The following LRRC4B variants were observed in gnomAD, a reference collection of about 807,000 sequenced individuals.
The protein encoded by LRRC4B is leucine rich repeat containing 4B.
A neutral mutation model predicts 7.3 loss-of-function variants in LRRC4B; 1 was observed. The ratio of observed to expected loss-of-function variants is 0.14; its 90% CI spans 0.05 to 0.65. LRRC4B has a LOEUF of 0.65. Among genes scored for constraint, LRRC4B ranks in the 30% least tolerant of loss-of-function variants. The pLI is 0.84. For synonymous variants in LRRC4B, 500 were observed against 499.2 expected, an observed-to-expected ratio of 1.00 and a Z score of -0.02; for missense variants, 730 against 1,041.6, an observed-to-expected ratio of 0.70 and a Z score of 4.12.
chr19:50,534,188 A>G (rs1482172214), intron 2 of LRRC4B, among the ~76,000 whole-genome samples: 2 of 152,176 alleles, frequency 1.3e-5, no homozygotes, highest in African/African-American at 4.8e-5. Flanking sequence ...CACTAAACAA[A>G]ACAATTATGC....
chr19:50,557,029 C>T (rs981891058), intron 1 of LRRC4B, among the ~76,000 whole-genome samples: 2 of 152,064 alleles, frequency 1.3e-5, no homozygotes, highest in African/African-American at 4.8e-5. Flanking sequence ...AAGGACCCCT[C>T]TGAGTGGACT....
chr19:50,540,548 G>A (rs1981493610), intron 2 of LRRC4B, among the ~76,000 whole-genome samples: 1 of 151,876 alleles, frequency 6.6e-6, no homozygotes, highest in Non-Finnish European at 1.5e-5. Context: ...GTAGAGACAG[G>A]TTTTGCCGTG....
intron 1 of LRRC4B, among the ~76,000 whole-genome samples, chr19:50,549,277 G>A (rs935756027): frequency 6.6e-6 from 1 of 152,214 alleles, no homozygotes; most frequent in Non-Finnish European, 1.5e-5. Flanking sequence ...AGACAGACAA[G>A]GCGAGGGGGC....
At chr19:50,520,400 TG>T (rs1980525617) in intron 2 of LRRC4B, among the ~76,000 whole-genome samples, 1 of 151,232 alleles carries the variant, frequency 6.6e-6, no homozygotes, top group Non-Finnish European at 1.5e-5. Context: ...GAGGCTGCAG[TG>T]GGTGGATCAC....
chr19:50,527,706 T>TTCCC (rs544155236), intron 2 of LRRC4B, among the ~76,000 whole-genome samples: 2,280 of 149,664 alleles, frequency 0.015, 74 homozygotes, highest in African/African-American at 0.055. Context: ...CTCTGTCTCT[T>TTCCC]TCCCTCCCTC....
rs1005934907 is a variant in LRRC4B at position 50,517,440 on chromosome 19, C to T, written c.*131G>A. The T allele has an allele frequency of 2.5e-5, 21 of 824,612 alleles. No homozygotes were observed. Among genetic ancestry groups the T allele is most frequent in the Non-Finnish European group, 4.9e-6 (3 of 607,832 alleles). The allele number at this position is 824,612 out of a possible 1,614,324, so 51.1% of individuals were successfully genotyped here. On this transcript the variant is annotated 3_prime_UTR_variant, in exon 3 of 3. Coordinates refer to ENST00000652263, the MANE Select transcript of LRRC4B (RefSeq NM_001080457.2). This position sits in a 1 kb window ranked among gnomAD's most constrained non-coding sequence, Gnocchi z 6.6. ...AGCCCCAGATGGGGCTGGAAGCCAC[C>T]TCTCCCCAATTCCCTGCGTGGTCCC...
At chr19:50,547,979 C>G (rs558282969) in intron 2 of LRRC4B, among the ~76,000 whole-genome samples, 21 of 152,032 alleles carry the variant, frequency 1.4e-4, no homozygotes, top group Non-Finnish European at 2.9e-4. Flanking sequence ...CTGCACTGCC[C>G]GGCAAATGAC....
At chr19:50,549,902 G>A (rs193076392) in intron 1 of LRRC4B, among the ~76,000 whole-genome samples, 5 of 152,302 alleles carry the variant, frequency 3.3e-5, no homozygotes, top group African/African-American at 4.8e-5. Context: ...GACTCTGCCT[G>A]GGTTCTGGGA....
chr19:50,565,188 G>A (rs1017468085), intron 1 of LRRC4B, among the ~76,000 whole-genome samples: 3 of 152,178 alleles, frequency 2.0e-5, no homozygotes, highest in Admixed American at 1.3e-4. Flanking sequence ...TGGTGTGTGC[G>A]CCACAGTGCA....
At chr19:50,533,839 G>C (rs1023754034) in intron 2 of LRRC4B, among the ~76,000 whole-genome samples, 8 of 152,290 alleles carry the variant, frequency 5.3e-5, no homozygotes, top group African/African-American at 1.9e-4. Flanking sequence ...AGAAAATGAA[G>C]GTTCAGAGAA....
rs1354640147 is a variant in LRRC4B, at chr19:50,553,102, T to C, written c.-35-4229A>G. ...TAAAGAGTTCTGTCTTCACAACATATGCGGAATCAGACCCCAGAATCAGAG... is the reference window on the plus strand; with the variant it reads ...TAAAGAGTTCTGTCTTCACAACATACGCGGAATCAGACCCCAGAATCAGAG... On this transcript the variant is annotated intron_variant, in intron 1 of 2. Coordinates refer to ENST00000652263, the MANE Select transcript of LRRC4B (RefSeq NM_001080457.2). The surrounding 1 kb of genome is among the most constrained non-coding windows in gnomAD (Gnocchi z 4.2). Among the ~76,000 whole-genome samples, 3 of 152,196 alleles carry C rather than the reference T, an allele frequency of 2.0e-5. No homozygotes were observed. Among genetic ancestry groups the C allele is most frequent in the Non-Finnish European group, 4.4e-5 (3 of 68,034 alleles).
At chr19:50,536,042 C>G (rs775540926) in intron 2 of LRRC4B, among the ~76,000 whole-genome samples, 1 of 152,120 alleles carries the variant, frequency 6.6e-6, no homozygotes, top group Non-Finnish European at 1.5e-5. Context: ...GCCTACACCG[C>G]TTCCTGGGCA....
intron 2 of LRRC4B, among the ~76,000 whole-genome samples, chr19:50,532,003 G>T (rs1030130603): frequency 1.3e-5 from 2 of 152,126 alleles, no homozygotes; most frequent in Non-Finnish European, 2.9e-5. Context: ...CGGGAGGATT[G>T]CTTGAGCTCA....
chr19:50,548,315 C>T lies in LRRC4B; in HGVS notation c.297+227G>A, dbSNP rs1981898676. Among the ~76,000 whole-genome samples, 1 of 152,238 alleles carries T rather than the reference C, an allele frequency of 6.6e-6. No individual in the cohort carries two copies. The highest frequency in any genetic ancestry group is 6.5e-5 in the Admixed American group (1 of 15,280). ...CAGGTGGCCTGCACTTGGGCCCCGACACGGTGGCTCAGAGACAGGGAGCAC... is the reference window on the plus strand; with the variant it reads ...CAGGTGGCCTGCACTTGGGCCCCGATACGGTGGCTCAGAGACAGGGAGCAC... On this transcript the variant is annotated intron_variant, in intron 2 of 2. Coordinates refer to ENST00000652263, the MANE Select transcript of LRRC4B (RefSeq NM_001080457.2). This position sits in a 1 kb window ranked among gnomAD's most constrained non-coding sequence, Gnocchi z 6.8.
rs1980457099 is a variant in LRRC4B at position 50,519,442 on chromosome 19, C to A, written c.298-27G>T. On this transcript the variant is annotated intron_variant, in intron 2 of 2. Transcript: ENST00000652263. This position sits in a 1 kb window ranked among gnomAD's most constrained non-coding sequence, Gnocchi z 8.1. ...TGGGGAGAGGGAGACACGGATCAGT[C>A]ACGGAGATACTGACGGGGACCGTGG... is the stretch of plus-strand genomic sequence containing the variant. 5 of 1,538,162 alleles carry A rather than the reference C, an allele frequency of 3.3e-6. No homozygotes were observed. Among genetic ancestry groups the A allele is most frequent in the Admixed American group, 3.9e-5 (2 of 51,778 alleles).
intron 2 of LRRC4B, among the ~76,000 whole-genome samples, chr19:50,544,329 A>AC (rs1417436317): frequency 1.3e-5 from 2 of 151,714 alleles, no homozygotes; most frequent in African/African-American, 2.4e-5. Flanking sequence ...ACACAGTGAA[A>AC]CCTCATCTCT....
Position 50,535,287 on chromosome 19 carries a change from C to T in LRRC4B, c.297+13255G>A, listed in dbSNP as rs566557829. Among the ~76,000 whole-genome samples, 6 of 152,268 alleles carry T rather than the reference C, an allele frequency of 3.9e-5. No homozygotes were observed. The East Asian group carries it at 1.2e-3, about 29-fold the overall frequency. ...TCCTGGGTTCAAGTGATTCTCCCAC[C>T]TTAGCCTCCTGAGTAGCTGGGATTG... On this transcript the variant is annotated intron_variant, in intron 2 of 2. Transcript: ENST00000652263.
chr19:50,525,043 C>T (rs1568718656), intron 2 of LRRC4B, among the ~76,000 whole-genome samples: 1 of 152,242 alleles, frequency 6.6e-6, no homozygotes, highest in East Asian at 1.9e-4. Flanking sequence ...CGCCCCTCCC[C>T]GTCTCGCTCG....
At chr19:50,543,852 C>CAAAAAAAAAAAAAAAA (rs36044151) in intron 2 of LRRC4B, among the ~76,000 whole-genome samples, 2 of 83,346 alleles carry the variant, frequency 2.4e-5, no homozygotes, top group Non-Finnish European at 4.7e-5. Context: ...GCCTCCATCT[C>CAAAAAAAAAAAAAAAA]AAAAAAAAAA....
Sources: allele counts gnomAD v4.1 joint callset (sites outside exome capture counted in the v4.1 genomes callset), GRCh38; gene constraint gnomAD v4.1.1; non-coding constraint Gnocchi (gnomAD v3.1); transcripts MANE v1.5; gene names NCBI Gene and HGNC (gene_info 2026-07-23, HGNC 2026-07-21).